The following ITGA9 variants were observed in gnomAD, a reference collection of about 807,000 sequenced individuals.
The protein encoded by ITGA9 is integrin subunit alpha 9, also known as integrin alpha-9.
In ITGA9, 56 loss-of-function variants were observed where a neutral mutation model predicts 127.8. That is an observed-to-expected ratio of 0.44 (90% CI 0.35 to 0.55). The LOEUF (loss-of-function observed/expected upper bound fraction) is 0.55, where lower values mean the gene tolerates loss of function less well. Among genes scored for constraint, ITGA9 ranks in the 20% least tolerant of loss-of-function variants. ITGA9 has a pLI of 0.00. For missense variants in ITGA9, 1,196 were observed against 1,347.1 expected (o/e 0.89, Z 1.76); for synonymous variants, 508 against 514.5 (o/e 0.99, Z 0.17).
At chr3:37,571,095 G>A (rs1169992152) in intron 15 of ITGA9, among the ~76,000 whole-genome samples, 3 of 152,332 alleles carry the variant, frequency 2.0e-5, no homozygotes, top group East Asian at 3.9e-4. Context: ...CCTTATGGGA[G>A]GCATCTCAGC....
At chr3:37,816,164 G>A (rs1044365357) in intron 27 of ITGA9, among the ~76,000 whole-genome samples, 1 of 152,190 alleles carries the variant, frequency 6.6e-6, no homozygotes, top group African/African-American at 2.4e-5. Context: ...GGGTATGTGG[G>A]CATCTTTGCA....
intron 11 of ITGA9, among the ~76,000 whole-genome samples, chr3:37,520,779 C>A (rs1371093815): frequency 2.6e-5 from 4 of 152,194 alleles, no homozygotes; most frequent in Admixed American, 2.6e-4. Flanking sequence ...GGATGCTCTT[C>A]CCAGGGTGAC....
At chr3:37,596,459 A>G (rs1271872221) in intron 15 of ITGA9, among the ~76,000 whole-genome samples, 2 of 152,178 alleles carry the variant, frequency 1.3e-5, no homozygotes, top group East Asian at 1.9e-4. Flanking sequence ...CCTCCAGCCC[A>G]GAGAAAGGAG....
At chr3:37,617,072 A>G (rs1700082151) in intron 15 of ITGA9, among the ~76,000 whole-genome samples, 1 of 152,166 alleles carries the variant, frequency 6.6e-6, no homozygotes, top group South Asian at 2.1e-4. Context: ...GGTCTTTACA[A>G]TTTGGCATGT....
intron 23 of ITGA9, among the ~76,000 whole-genome samples, chr3:37,760,123 A>G (rs970727447): frequency 6.6e-6 from 1 of 151,842 alleles, no homozygotes; most frequent in African/African-American, 2.4e-5. Context: ...CAGGAGGCCG[A>G]GGCAGGAGAG....
chr3:37,791,678 G>A (rs1697112182), intron 26 of ITGA9, among the ~76,000 whole-genome samples: 1 of 152,164 alleles, frequency 6.6e-6, no homozygotes, highest in South Asian at 2.1e-4. Flanking sequence ...CTAGAAGAAG[G>A]GCTGGTGCAT....
chr3:37,711,693 T>G (rs1159507510), intron 18 of ITGA9, among the ~76,000 whole-genome samples: 1 of 152,228 alleles, frequency 6.6e-6, no homozygotes, highest in East Asian at 1.9e-4. Context: ...TGTGAGCCAG[T>G]GCACCTTGCC....
At chr3:37,494,594 C>A (rs906663128) in intron 5 of ITGA9, 26 bp downstream of exon 5, 47 of 1,595,490 alleles carry the variant, frequency 2.9e-5, no homozygotes, top group Non-Finnish European at 4.0e-5. Flanking sequence ...CTGGGCATTT[C>A]TGTTCTCTTG....
chr3:37,699,840 A>G (rs1262269020), intron 18 of ITGA9, among the ~76,000 whole-genome samples: 2 of 152,150 alleles, frequency 1.3e-5, no homozygotes, highest in Non-Finnish European at 2.9e-5. Context: ...CTTCCCTTAA[A>G]TAGGCACATA....
At chr3:37,528,517 G>A (rs943446215) in intron 13 of ITGA9, among the ~76,000 whole-genome samples, 2 of 152,174 alleles carry the variant, frequency 1.3e-5, no homozygotes, top group Non-Finnish European at 2.9e-5. Flanking sequence ...CAAGGATGTT[G>A]TGGTCACAAT....
intron 15 of ITGA9, among the ~76,000 whole-genome samples, chr3:37,623,673 ATGTGTGTGTGTGTGTGTCTGTG>A (rs906788453): frequency 2.5e-5 from 3 of 118,170 alleles, no homozygotes; most frequent in African/African-American, 9.6e-5. Flanking sequence ...GTGTGTGTGT[ATGTGTGTGTGTGTGTGTCTGTG>A]TGTGTGTGTG....
intron 15 of ITGA9, among the ~76,000 whole-genome samples, chr3:37,584,608 A>G (rs897795619): frequency 2.6e-5 from 4 of 152,088 alleles, no homozygotes; most frequent in Non-Finnish European, 5.9e-5. Flanking sequence ...TACAAAATTT[A>G]TCTGGGCATG....
At chr3:37,505,423 T>C (rs1698829786) in intron 6 of ITGA9, among the ~76,000 whole-genome samples, 1 of 152,158 alleles carries the variant, frequency 6.6e-6, no homozygotes, top group African/African-American at 2.4e-5. Context: ...CGGATATTAC[T>C]CAATAATAAA....
Position 37,777,397 on chromosome 3 carries a change from C to A in ITGA9, c.2547C>A (p.Gly849=). 3 of 1,614,010 alleles carry A rather than the reference C, an allele frequency of 1.9e-6. No homozygotes were observed. Among genetic ancestry groups the A allele is most frequent in the South Asian group, 2.2e-5 (2 of 91,084 alleles). The change falls in exon 24 of 28, where the codon GGC becomes GGA. Residue 849 remains glycine, a synonymous_variant. Coordinates refer to ENST00000264741, the MANE Select transcript of ITGA9 (RefSeq NM_002207.3). ...AGGCCTCTTTTCATTTGCAGGTGGG[C>A]CAAGAGAAGGGAAACTGCTCTTTCC... is the stretch of plus-strand genomic sequence containing the variant. ...EMFHVQEMVV[G]QEKGNCSFQK...
intron 17 of ITGA9, among the ~76,000 whole-genome samples, chr3:37,679,143 A>T (rs4678582): frequency 0.19 from 29,046 of 151,898 alleles, 3,502 homozygotes; most frequent in Admixed American, 0.29. Flanking sequence ...TGATTTTCAT[A>T]TAAAAGCACA....
In ITGA9 at chr3:37,782,910, T is replaced by C. The variant is rs61056232; in HGVS notation, c.2788-2067T>C. Among the ~76,000 whole-genome samples the C allele has an allele frequency of 3.3e-3, 504 of 152,196 alleles. 2 individuals are homozygous for C. The highest frequency in any genetic ancestry group is 0.011 in the African/African-American group (475 of 41,528). On this transcript the variant is annotated intron_variant, in intron 25 of 27. Transcript: ENST00000264741. ...ATCCCAGCACTTTGGGAGGCTGAGG[T>C]GGGCATATCACAAGGTCAGGAATTC...
chr3:37,524,876 A>C (rs557920902), intron 12 of ITGA9, among the ~76,000 whole-genome samples: 106 of 152,206 alleles, frequency 7.0e-4, no homozygotes, highest in Non-Finnish European at 1.3e-3. Context: ...TTCATAAGGG[A>C]AATTGACAAA....
intron 4 of ITGA9, among the ~76,000 whole-genome samples, chr3:37,486,242 C>T (rs560412633): frequency 3.3e-5 from 5 of 152,280 alleles, no homozygotes; most frequent in African/African-American, 1.2e-4. Flanking sequence ...ATTAACAAAG[C>T]CTGTTCAAGA....
intron 12 of ITGA9, 108 bp downstream of exon 12, chr3:37,523,719 A>G: frequency 1.2e-6 from 1 of 811,720 alleles, no homozygotes; most frequent in Non-Finnish European, 2.2e-6. Context: ...GGATTAGGAC[A>G]ATTCACACAA....
Sources: allele counts gnomAD v4.1 joint callset (sites outside exome capture counted in the v4.1 genomes callset), GRCh38; gene constraint gnomAD v4.1.1; transcripts MANE v1.5; gene names NCBI Gene and HGNC (gene_info 2026-07-23, HGNC 2026-07-21).